The following DCAF6 variants were observed in gnomAD, a reference collection of about 807,000 sequenced individuals.
The protein encoded by DCAF6 is DDB1 and CUL4 associated factor 6, also known as DDB1- and CUL4-associated factor 6.
In DCAF6, 54 loss-of-function variants were observed where a neutral mutation model predicts 125.1. The ratio of observed to expected loss-of-function variants is 0.43; its 90% CI spans 0.35 to 0.54. DCAF6 has a LOEUF of 0.54. DCAF6 is among the 20% of genes least tolerant of loss of function. DCAF6 has a pLI of 0.01. For synonymous variants in DCAF6, 371 were observed against 390.4 expected, an observed-to-expected ratio of 0.95 and a Z score of 0.58; for missense variants, 934 against 1,161.7, an observed-to-expected ratio of 0.80 and a Z score of 2.85.
the DCAF6 span, among the ~76,000 whole-genome samples, chr1:167,894,581 G>A: frequency 6.6e-6 from 1 of 152,042 alleles, no homozygotes; most frequent in Non-Finnish European, 1.5e-5. Context: ...AATGGCAAAG[G>A]GTTTTCAGCA....
At chr1:167,996,785 G>T (rs1386163564) in intron 7 of DCAF6, among the ~76,000 whole-genome samples, 1 of 152,018 alleles carries the variant, frequency 6.6e-6, no homozygotes, top group Non-Finnish European at 1.5e-5. Context: ...TTAGGATTTT[G>T]CATTTACTCT....
At chr1:167,896,644 G>A in the DCAF6 span, 2 of 1,613,698 alleles carry the variant, frequency 1.2e-6, no homozygotes, top group Non-Finnish European at 1.7e-6. Context: ...TACACTTTGT[G>A]AAAAATTCAT....
At chr1:167,998,134 A>G (rs1350197764) in intron 7 of DCAF6, among the ~76,000 whole-genome samples, 1 of 152,168 alleles carries the variant, frequency 6.6e-6, no homozygotes, top group African/African-American at 2.4e-5. Context: ...CATTGCAATA[A>G]AGTAAATATT....
chr1:167,950,986 G>C (rs1673837123), intron 1 of DCAF6, among the ~76,000 whole-genome samples: 1 of 152,126 alleles, frequency 6.6e-6, no homozygotes, highest in South Asian at 2.1e-4. Flanking sequence ...TACTATTGCT[G>C]TTTGCCATCC....
chr1:168,033,831 T>G (rs558294694), intron 12 of DCAF6, among the ~76,000 whole-genome samples: 1 of 152,250 alleles, frequency 6.6e-6, no homozygotes, highest in Non-Finnish European at 1.5e-5. Flanking sequence ...CCATAATTAC[T>G]GAGCAATATA....
intron 1 of DCAF6, among the ~76,000 whole-genome samples, chr1:167,947,812 C>T (rs1673300540): frequency 6.6e-6 from 1 of 152,098 alleles, no homozygotes; most frequent in Non-Finnish European, 1.5e-5. Flanking sequence ...GGAGAATGTT[C>T]CATATGCTGA....
intron 12 of DCAF6, among the ~76,000 whole-genome samples, chr1:168,036,353 G>A (rs969917496): frequency 6.6e-6 from 1 of 152,136 alleles, no homozygotes; most frequent in African/African-American, 2.4e-5. Flanking sequence ...TATAACCAAG[G>A]TGGATCTGAG....
chr1:167,925,434 CATATACACATATATATATATATATAT>C, the DCAF6 span, among the ~76,000 whole-genome samples: 1 of 72,746 alleles, frequency 1.4e-5, no homozygotes, highest in African/African-American at 5.4e-5. Flanking sequence ...TACAGATATA[CATATACACATATATATATATATATAT>C]ATATATATAT....
At position 168,004,905 on chromosome 1, in the gene DCAF6, C is replaced by T. The variant is rs776791066; in HGVS notation, c.1378+112C>T. On this transcript the variant is annotated intron_variant, in intron 10 of 21. Coordinates refer to ENST00000367840, the MANE Select transcript of DCAF6 (RefSeq NM_001198956.2). Reference sequence around the variant, plus strand: ...TCAACTTCTTGTTGGAATAAATGATCAAAATGACATGTAATATATGGTTAT... The same window carrying T: ...TCAACTTCTTGTTGGAATAAATGATTAAAATGACATGTAATATATGGTTAT... The T allele has an allele frequency of 1.1e-5, 13 of 1,206,238 alleles. 1 individual carries two copies. In the Admixed American group the frequency reaches 1.4e-4, roughly 13 times the overall value. 74.7% of individuals were successfully genotyped at this position (1,206,238 alleles called of 1,614,324 possible).
chr1:167,974,377 G>A (rs1677815745), intron 3 of DCAF6, among the ~76,000 whole-genome samples: 1 of 152,128 alleles, frequency 6.6e-6, no homozygotes, highest in Admixed American at 6.5e-5. Context: ...TTAATTGGAT[G>A]TAGGGACTTC....
upstream of DCAF6, among the ~76,000 whole-genome samples, chr1:167,931,598 T>C (rs1421747361): frequency 6.6e-6 from 1 of 152,054 alleles, no homozygotes; most frequent in African/African-American, 2.4e-5. Flanking sequence ...ATTAAGATTC[T>C]TCACTGACAA....
chr1:168,047,587 TA>T (rs1209686403), intron 16 of DCAF6, among the ~76,000 whole-genome samples: 2 of 152,044 alleles, frequency 1.3e-5, no homozygotes, highest in African/African-American at 4.8e-5. Context: ...AGAAGAACGA[TA>T]AAATTCTTAT....
the DCAF6 span, among the ~76,000 whole-genome samples, chr1:167,925,671 C>A: frequency 6.6e-6 from 1 of 151,142 alleles, no homozygotes; most frequent in African/African-American, 2.4e-5. Flanking sequence ...CTTAGCCTCC[C>A]AAGTAGCTGG....
the DCAF6 span, among the ~76,000 whole-genome samples, chr1:167,922,846 C>T: frequency 1.3e-5 from 2 of 152,056 alleles, no homozygotes; most frequent in African/African-American, 4.8e-5. Flanking sequence ...CATCACTCAA[C>T]AACAACAAAA....
At chr1:167,875,289 C>G in the DCAF6 span, 1 of 1,167,290 alleles carries the variant, frequency 8.6e-7, no homozygotes, top group South Asian at 1.3e-5. Context: ...TTCTCAATTG[C>G]TAACAAGAGT....
chr1:168,042,153 G>A lies in DCAF6; in HGVS notation c.1728-872G>A, dbSNP rs149229675. Among the ~76,000 whole-genome samples the A allele has an allele frequency of 3.0e-4, 45 of 151,794 alleles. No homozygotes were observed. In the East Asian group the frequency reaches 8.3e-3, roughly 28 times the overall value. ...TTGTCATGGCAAAAAGTCCATGATC[G>A]TTTGTATTGTTTATTGAGTTACTGG... On this transcript the variant is annotated intron_variant, in intron 13 of 21. Transcript: ENST00000367840.
At chr1:167,878,631 A>C in the DCAF6 span, 1 of 1,613,934 alleles carries the variant, frequency 6.2e-7, no homozygotes, top group Non-Finnish European at 8.5e-7. Context: ...CTTTTTGACC[A>C]ATGACTATAG....
At chr1:167,904,732 G>T in the DCAF6 span, 212 of 612,170 alleles carry the variant, frequency 3.5e-4, 3 homozygotes, top group South Asian at 4.0e-3. Flanking sequence ...AGTGAAGTTG[G>T]GGCAGAGATA....
intron 2 of DCAF6, among the ~76,000 whole-genome samples, chr1:167,954,203 G>A (rs1381630503): frequency 2.0e-5 from 3 of 151,644 alleles, no homozygotes; most frequent in African/African-American, 4.8e-5. Context: ...ACGGGGTTTC[G>A]CCGTGTTGGC....
Sources: allele counts gnomAD v4.1 joint callset (sites outside exome capture counted in the v4.1 genomes callset), GRCh38; gene constraint gnomAD v4.1.1; transcripts MANE v1.5; gene names NCBI Gene and HGNC (gene_info 2026-07-23, HGNC 2026-07-21).